SLC7A8: variants seen among roughly 807,000 people sequenced by gnomAD.
SLC7A8 encodes the protein large neutral amino acids transporter small subunit 2.
A neutral mutation model predicts 51.2 loss-of-function variants in SLC7A8; 30 were observed. The ratio of observed to expected loss-of-function variants is 0.59; its 90% CI spans 0.44 to 0.80. The LOEUF (loss-of-function observed/expected upper bound fraction) is 0.80, where lower values mean the gene tolerates loss of function less well. Among genes scored for constraint, SLC7A8 ranks in the 30% least tolerant of loss-of-function variants. The pLI, the probability that SLC7A8 is intolerant of heterozygous loss-of-function variation, is 0.00. For missense variants in SLC7A8, 612 were observed against 674.4 expected (o/e 0.91, Z 1.03); for synonymous variants, 257 against 275.8 (o/e 0.93, Z 0.67).
chr14:23,172,702 C>A (rs2048980899), intron 1 of SLC7A8, among the ~76,000 whole-genome samples: 1 of 152,186 alleles, frequency 6.6e-6, no homozygotes, highest in Admixed American at 6.5e-5. Context: ...TCTGGAGACA[C>A]TTTTGGTTGT....
chr14:23,132,450 C>T (rs777011888), intron 7 of SLC7A8, among the ~76,000 whole-genome samples: 1 of 152,018 alleles, frequency 6.6e-6, no homozygotes, highest in African/African-American at 2.4e-5. Flanking sequence ...GGCACAGTGG[C>T]ACACACCTAT....
At chr14:23,166,315 G>A in intron 2 of SLC7A8, 21 bp downstream of exon 2, 1 of 1,610,528 alleles carries the variant, frequency 6.2e-7, no homozygotes, top group Non-Finnish European at 8.5e-7. Context: ...AGACCATTCA[G>A]GTCTCCACAG....
intron 3 of SLC7A8, among the ~76,000 whole-genome samples, chr14:23,143,512 GGGCTTT>G (rs1399168362): frequency 1.3e-5 from 2 of 152,228 alleles, no homozygotes; most frequent in Non-Finnish European, 2.9e-5. Flanking sequence ...GCACAAGTAT[GGGCTTT>G]GTCTTCAAGT....
At chr14:23,157,472 C>G (rs919456817) in intron 3 of SLC7A8, among the ~76,000 whole-genome samples, 6 of 152,216 alleles carry the variant, frequency 3.9e-5, no homozygotes, top group African/African-American at 1.4e-4. Flanking sequence ...CTGTCTGAAA[C>G]CCTTCAAACC....
At chr14:23,151,874 G>A (rs2048850520) in intron 3 of SLC7A8, among the ~76,000 whole-genome samples, 1 of 151,868 alleles carries the variant, frequency 6.6e-6, no homozygotes, top group South Asian at 2.1e-4. Context: ...GACCAGCCTG[G>A]CCAATATAGC....
chr14:23,182,041 T>C lies in SLC7A8; in HGVS notation c.151+723A>G, dbSNP rs1434529444. The stretch of plus-strand genomic sequence containing the variant: ...CCTCCTCAACTCCATATTCTACACA[T>C]TCTAGTTACTCCTGATTCCCTCTGA... On this transcript the variant is annotated intron_variant, in intron 1 of 10. Transcript: ENST00000316902. Among the ~76,000 whole-genome samples, 5 of 152,224 alleles carry C rather than the reference T, an allele frequency of 3.3e-5. No homozygotes were observed. The East Asian group carries it at 9.6e-4, about 29-fold the overall frequency.
intron 7 of SLC7A8, among the ~76,000 whole-genome samples, chr14:23,137,513 T>C (rs1397507122): frequency 2.0e-5 from 3 of 152,310 alleles, no homozygotes; most frequent in African/African-American, 7.2e-5. Context: ...TCCCTCTTGG[T>C]CCCTTTCCAA....
chr14:23,155,908 C>T (rs550390072), intron 3 of SLC7A8, among the ~76,000 whole-genome samples: 2 of 152,220 alleles, frequency 1.3e-5, no homozygotes, highest in South Asian at 4.1e-4. Context: ...AAACCTGGAC[C>T]CAGGCTGCAA....
At chr14:23,129,572 C>G in intron 9 of SLC7A8, 78 bp downstream of exon 9, 15 of 1,526,994 alleles carry the variant, frequency 9.8e-6, no homozygotes, top group Non-Finnish European at 1.3e-5. Flanking sequence ...CAGCTAAGAA[C>G]AGAGGTGATT....
chr14:23,145,744 C>T (rs2048788577), intron 3 of SLC7A8, among the ~76,000 whole-genome samples: 1 of 152,238 alleles, frequency 6.6e-6, no homozygotes, highest in South Asian at 2.1e-4. Flanking sequence ...TTCTGCTCCC[C>T]AGGAACCCCA....
At chr14:23,175,993 A>T (rs1317224812) in intron 1 of SLC7A8, among the ~76,000 whole-genome samples, 1 of 152,226 alleles carries the variant, frequency 6.6e-6, no homozygotes, top group African/African-American at 2.4e-5. Flanking sequence ...TTTGAGAACA[A>T]TGAGGGTTTT....
intron 3 of SLC7A8, among the ~76,000 whole-genome samples, chr14:23,157,429 C>T (rs1389671292): frequency 6.6e-6 from 1 of 152,206 alleles, no homozygotes; most frequent in Non-Finnish European, 1.5e-5. Context: ...CAGCATGACT[C>T]TCCTAAAATA....
chr14:23,168,493 C>T (rs549176392), intron 1 of SLC7A8, among the ~76,000 whole-genome samples: 3 of 152,246 alleles, frequency 2.0e-5, no homozygotes, highest in South Asian at 2.1e-4. Context: ...ATCAAAAGAG[C>T]GATCCATAGG....
chr14:23,150,304 A>C (rs1179333170), intron 3 of SLC7A8, among the ~76,000 whole-genome samples: 1 of 152,160 alleles, frequency 6.6e-6, no homozygotes, highest in African/African-American at 2.4e-5. Context: ...TAAGTGAAGG[A>C]TGATGTGGGT....
At chr14:23,177,022 T>C (rs1335815283) in intron 1 of SLC7A8, among the ~76,000 whole-genome samples, 1 of 151,600 alleles carries the variant, frequency 6.6e-6, no homozygotes, top group Admixed American at 6.6e-5. Context: ...AGTTGGGAGA[T>C]AGTGGTCTAG....
Position 23,165,536 on chromosome 14 carries a change from G to A in SLC7A8, c.357-100C>T. ...CATGCATCTCTTTTTTATTTTCAAG[G>A]ATGCTGAAGAGCCCAGCCTCTGCCC... On this transcript the variant is annotated intron_variant, in intron 2 of 10. Coordinates refer to ENST00000316902, the MANE Select transcript of SLC7A8 (RefSeq NM_012244.4). This position sits in a 1 kb window ranked among gnomAD's most constrained non-coding sequence, Gnocchi z 4.2. The A allele has an allele frequency of 7.8e-7, 1 of 1,283,828 alleles. No homozygotes were observed. The highest frequency in any genetic ancestry group is 1.0e-6 in the Non-Finnish European group (1 of 953,488). The allele number at this position is 1,283,828 out of a possible 1,614,324, so 79.5% of individuals were successfully genotyped here.
rs745847298 is a variant in SLC7A8 at position 23,165,374 on chromosome 14, A to G, written c.419T>C (p.Leu140Pro). The change falls in exon 3 of 11, where the codon CTC (leucine) becomes CCC (proline). Residue 140 changes from leucine (L) to proline (P), a missense_variant. Physicochemically the swap from Leu to Pro is moderately conservative, Grantham distance 98. Coordinates refer to ENST00000316902, the MANE Select transcript of SLC7A8 (RefSeq NM_012244.4). This position sits in a 1 kb window ranked among gnomAD's most constrained non-coding sequence, Gnocchi z 4.2. ...IYPTNQAVIA[L>P]TFSNYVLQPL... Reference sequence around the variant, plus strand: ...CTGCAGCACGTAGTTGGAGAAGGTGAGGGCGATGACAGCCTGGTTGGTGGG... The same window carrying G: ...CTGCAGCACGTAGTTGGAGAAGGTGGGGGCGATGACAGCCTGGTTGGTGGG... 9.4e-6 allele frequency: 15 copies of G among 1,603,972 alleles called. No individual in the cohort carries two copies. In the East Asian group the frequency reaches 3.4e-4, roughly 36 times the overall value.
At chr14:23,171,298 A>T (rs931732854) in intron 1 of SLC7A8, among the ~76,000 whole-genome samples, 1 of 152,222 alleles carries the variant, frequency 6.6e-6, no homozygotes, top group African/African-American at 2.4e-5. Context: ...TTGTTCTGTC[A>T]AAGAAAAACC....
chr14:23,145,504 G>A (rs1208724285), intron 3 of SLC7A8, among the ~76,000 whole-genome samples: 2 of 144,510 alleles, frequency 1.4e-5, no homozygotes, highest in Non-Finnish European at 3.0e-5. Flanking sequence ...TCCAGCGTGG[G>A]TGACAGAGCT....
Sources: allele counts gnomAD v4.1 joint callset (sites outside exome capture counted in the v4.1 genomes callset), GRCh38; gene constraint gnomAD v4.1.1; non-coding constraint Gnocchi (gnomAD v3.1); transcripts MANE v1.5; gene names NCBI Gene and HGNC (gene_info 2026-07-23, HGNC 2026-07-21).